Variants in BNC2 observed in about 807,000 individuals in gnomAD.
BNC2 encodes the protein basonuclin zinc finger protein 2, also known as zinc finger protein basonuclin-2.
BNC2 carries 20 observed loss-of-function variants against 76.3 expected under a neutral mutation model. The observed-to-expected ratio is 0.26, with a 90% CI of 0.18 to 0.38. The LOEUF is 0.38. BNC2 is among the 10% of genes least tolerant of loss of function. BNC2 has a pLI of 1.00. For missense variants in BNC2, 1,382 were observed against 1,399.8 expected (o/e 0.99, Z 0.20); for synonymous variants, 582 against 514.8 (o/e 1.13, Z -1.77).
intron 4 of BNC2, among the ~76,000 whole-genome samples, chr9:16,569,111 T>TA (rs199506190): frequency 2.6e-5 from 4 of 151,696 alleles, no homozygotes; most frequent in African/African-American, 4.8e-5. Flanking sequence ...ACAAAGGGTT[T>TA]TTTTTTTTTT....
At chr9:16,801,793 A>G (rs903156866) in intron 1 of BNC2, among the ~76,000 whole-genome samples, 1 of 151,612 alleles carries the variant, frequency 6.6e-6, no homozygotes, top group African/African-American at 2.4e-5. Context: ...TAAGTTAATT[A>G]ATTGAAACAA....
intron 2 of BNC2, among the ~76,000 whole-genome samples, chr9:16,729,585 C>A (rs1824447745): frequency 6.6e-6 from 1 of 152,086 alleles, no homozygotes. Flanking sequence ...AAAAAAGTCT[C>A]AAAAGAAGCA....
At chr9:16,439,619 C>T (rs1392174067) in intron 5 of BNC2, among the ~76,000 whole-genome samples, 1 of 152,204 alleles carries the variant, frequency 6.6e-6, no homozygotes, top group East Asian at 1.9e-4. Context: ...AAAAGTCTCT[C>T]CTCAACCTGT....
intron 1 of BNC2, among the ~76,000 whole-genome samples, chr9:16,785,758 G>A (rs1434778280): frequency 6.7e-6 from 1 of 149,838 alleles, no homozygotes; most frequent in South Asian, 2.1e-4. Flanking sequence ...AGTGAACCAA[G>A]CTTGCACCAT....
intron 5 of BNC2, among the ~76,000 whole-genome samples, chr9:16,448,923 A>G (rs1375446828): frequency 6.6e-6 from 1 of 152,232 alleles, no homozygotes; most frequent in African/African-American, 2.4e-5. Context: ...ATAAATCCAC[A>G]TATGCATTAA....
Position 16,435,538 on chromosome 9 carries a change from A to G in BNC2, c.2639+17T>C, listed in dbSNP as rs779523300. 29 of 1,613,066 alleles carry G rather than the reference A, an allele frequency of 1.8e-5. No homozygotes were observed. In the African/African-American group the frequency reaches 3.2e-4, roughly 18 times the overall value. ...CCCTCCACCCCCAGCAGGAGCAGCCAATGGAGATTTACTGACCTGTCTCGG... is the reference window on the plus strand; with the variant it reads ...CCCTCCACCCCCAGCAGGAGCAGCCGATGGAGATTTACTGACCTGTCTCGG... On this transcript the variant is annotated intron_variant, in intron 6 of 6. Coordinates refer to ENST00000380672, the MANE Select transcript of BNC2 (RefSeq NM_017637.6).
At chr9:16,693,127 CAAAAAAAAAAA>C (rs34223075) in intron 3 of BNC2, among the ~76,000 whole-genome samples, 40 of 60,442 alleles carry the variant, frequency 6.6e-4, no homozygotes, top group African/African-American at 3.0e-3. Flanking sequence ...AAGACAGTCT[CAAAAAAAAAAA>C]AAAAAAAAAA....
chr9:16,706,977 C>A (rs923290639), intron 3 of BNC2, among the ~76,000 whole-genome samples: 1 of 152,160 alleles, frequency 6.6e-6, no homozygotes, highest in Admixed American at 6.5e-5. Flanking sequence ...CCGAGACGGG[C>A]GGATCACGAG....
At chr9:16,563,313 G>A (rs961990095) in intron 4 of BNC2, among the ~76,000 whole-genome samples, 9 of 152,022 alleles carry the variant, frequency 5.9e-5, no homozygotes, top group African/African-American at 1.9e-4. Context: ...CCTCTAAACT[G>A]AAGACTAACG....
chr9:16,845,123 C>G (rs139091863), intron 1 of BNC2, among the ~76,000 whole-genome samples: 1 of 152,282 alleles, frequency 6.6e-6, no homozygotes, highest in Non-Finnish European at 1.5e-5. Flanking sequence ...GCCAACCTTC[C>G]CAGGCACTGC....
chr9:16,453,561 C>A (rs1205665288), intron 5 of BNC2, among the ~76,000 whole-genome samples: 1 of 152,196 alleles, frequency 6.6e-6, no homozygotes, highest in African/African-American at 2.4e-5. Flanking sequence ...TTTCCATTCA[C>A]TCCTTTCACC....
intron 1 of BNC2, among the ~76,000 whole-genome samples, chr9:16,767,965 ATTT>A (rs764469661): frequency 2.2e-5 from 3 of 138,750 alleles, no homozygotes; most frequent in African/African-American, 2.7e-5. Context: ...AGGTTATGCA[ATTT>A]TTTTTTTTTT....
chr9:16,659,391 G>C (rs182214290), intron 3 of BNC2, among the ~76,000 whole-genome samples: 59 of 151,978 alleles, frequency 3.9e-4, no homozygotes, highest in African/African-American at 9.2e-4. Context: ...GGGCAGATCA[G>C]GAGGTCAGGA....
At chr9:16,692,922 G>A (rs1413159635) in intron 3 of BNC2, among the ~76,000 whole-genome samples, 1 of 152,022 alleles carries the variant, frequency 6.6e-6, no homozygotes, top group Non-Finnish European at 1.5e-5. Flanking sequence ...CTGAGGTCAG[G>A]AATTCGACAC....
intron 2 of BNC2, among the ~76,000 whole-genome samples, chr9:16,736,308 T>C (rs1333386805): frequency 6.6e-6 from 1 of 151,710 alleles, no homozygotes; most frequent in Non-Finnish European, 1.5e-5. Flanking sequence ...AACACTGCCT[T>C]TAGAATTATC....
intron 3 of BNC2, among the ~76,000 whole-genome samples, chr9:16,592,982 T>G (rs1466842530): frequency 2.0e-5 from 3 of 152,078 alleles, no homozygotes; most frequent in African/African-American, 7.2e-5. Flanking sequence ...CCAGTACATC[T>G]TTCAAATATT....
chr9:16,460,962 G>A (rs187495604), intron 5 of BNC2, among the ~76,000 whole-genome samples: 73 of 151,672 alleles, frequency 4.8e-4, no homozygotes, highest in African/African-American at 1.7e-3. Context: ...CTAGAAATAT[G>A]ACTGTACAAC....
chr9:16,749,245 TA>T (rs890706060), intron 1 of BNC2, among the ~76,000 whole-genome samples: 25 of 152,140 alleles, frequency 1.6e-4, no homozygotes, highest in African/African-American at 5.3e-4. Context: ...ATAAAAGATG[TA>T]AATAAGCACT....
chr9:16,677,260 T>A (rs1274806054), intron 3 of BNC2, among the ~76,000 whole-genome samples: 2 of 152,086 alleles, frequency 1.3e-5, no homozygotes, highest in Non-Finnish European at 2.9e-5. Context: ...ATCCATCAAT[T>A]AAAATAAAAT....
Sources: gnomAD v4.1 joint callset for allele counts (sites outside exome capture counted in the v4.1 genomes callset) on GRCh38, gnomAD v4.1.1 for gene constraint, MANE v1.5 for transcripts, NCBI Gene and HGNC (gene_info 2026-07-23, HGNC 2026-07-21) for gene names.